The following LPO variants were observed in gnomAD, a reference collection of about 807,000 sequenced individuals.
LPO encodes the protein lactoperoxidase.
LPO carries 70 observed loss-of-function variants against 68.4 expected under a neutral mutation model. The observed-to-expected ratio is 1.02, with a 90% CI of 0.84 to 1.25. The LOEUF (loss-of-function observed/expected upper bound fraction) is 1.25. Ranked by LOEUF, LPO falls within the 50% of genes most tolerant of loss-of-function variation. LPO has a pLI of 0.00. For synonymous variants in LPO, 360 were observed against 357.6 expected (o/e 1.01, Z -0.08); for missense variants, 873 against 908.4 (o/e 0.96, Z 0.50).
At chr17:58,267,255 T>C in intron 11 of LPO, 94 bp from the exon 12 acceptor site, 1 of 937,554 alleles carries the variant, frequency 1.1e-6, no homozygotes, top group Non-Finnish European at 1.7e-6. Context: ...GCCCAGACTT[T>C]CTAGGGCTGA....
Position 58,242,985 on chromosome 17 carries a change from G to C in LPO, c.6G>C (p.Arg2Ser), listed in dbSNP as rs766666920. MRVLLHLPALLA... is the reference protein window; with the variant it reads MSVLLHLPALLA... ...TCCTGCATCTCGTTTCAGTGATGAG[G>C]GTCCTTCTCCATCTCCCAGCCCTCC... Residue 2 changes from arginine to serine, a missense_variant, in exon 2 of 13, where the codon AGG (arginine) becomes AGC (serine). Arg to Ser is a moderately radical substitution (Grantham distance 110). Transcript: ENST00000262290. 23 of 1,613,854 alleles carry C rather than the reference G, an allele frequency of 1.4e-5. No individual in the cohort carries two copies. In the African/African-American group the frequency reaches 2.1e-4, roughly 15 times the overall value.
chr17:58,252,933 G>A (rs960876454), intron 8 of LPO, among the ~76,000 whole-genome samples: 1 of 136,928 alleles, frequency 7.3e-6, no homozygotes, highest in African/African-American at 2.8e-5. Flanking sequence ...TGAGGTAGAA[G>A]AATCACCTGA....
chr17:58,242,464 GCCAGAGGA>G (rs894430141), intron 1 of LPO, among the ~76,000 whole-genome samples: 2 of 152,222 alleles, frequency 1.3e-5, no homozygotes, highest in African/African-American at 2.4e-5. Flanking sequence ...CTGGGGCTGG[GCCAGAGGA>G]AACTGGCTTG....
chr17:58,262,492 C>T (rs929869414), intron 9 of LPO, among the ~76,000 whole-genome samples: 5 of 152,316 alleles, frequency 3.3e-5, no homozygotes, highest in African/African-American at 1.2e-4. Context: ...CGGGCTCAAG[C>T]GATTCTCTTG....
chr17:58,249,530 C>G, intron 5 of LPO, 36 bp from the exon 6 acceptor site: 1 of 1,594,042 alleles, frequency 6.3e-7, no homozygotes, highest in Non-Finnish European at 8.5e-7. Context: ...CCGGAGCCGG[C>G]CTGCCGAAGC....
intron 1 of LPO, among the ~76,000 whole-genome samples, chr17:58,242,222 A>C (rs1256540591): frequency 6.6e-6 from 1 of 152,206 alleles, no homozygotes; most frequent in East Asian, 1.9e-4. Context: ...AAGCTTCACA[A>C]ATTTCAGTCT....
At chr17:58,266,350 C>A in intron 11 of LPO, 24 bp downstream of exon 11, 1 of 1,607,582 alleles carries the variant, frequency 6.2e-7, no homozygotes, top group Non-Finnish European at 8.5e-7. Context: ...GTCTGGCCTG[C>A]ACTGGGGAAA....
chr17:58,265,299 C>T (rs1416177937), intron 10 of LPO, among the ~76,000 whole-genome samples: 1 of 152,096 alleles, frequency 6.6e-6, no homozygotes, highest in African/African-American at 2.4e-5. Context: ...CCTCCTTTCC[C>T]CGCCCTAGGC....
intron 9 of LPO, among the ~76,000 whole-genome samples, chr17:58,261,997 T>C (rs1412201224): frequency 6.6e-6 from 1 of 152,246 alleles, no homozygotes; most frequent in Non-Finnish European, 1.5e-5. Context: ...TTCTTCTATA[T>C]ATGTTTTATA....
chr17:58,246,111 G>A (rs1275188053), intron 3 of LPO, among the ~76,000 whole-genome samples: 1 of 152,246 alleles, frequency 6.6e-6, no homozygotes, highest in East Asian at 1.9e-4. Context: ...AGGGAAGCCT[G>A]TTGGAGAATA....
At chr17:58,264,261 A>G (rs946677426) in intron 9 of LPO, among the ~76,000 whole-genome samples, 2 of 152,344 alleles carry the variant, frequency 1.3e-5, no homozygotes, top group Middle Eastern at 3.4e-3. Context: ...TATGTAAAAG[A>G]AAACCAGAAA....
rs1470797459 is a variant in LPO at position 58,268,400 on chromosome 17, A to G, written c.*406A>G. On this transcript the variant is annotated 3_prime_UTR_variant, in exon 13 of 13. Coordinates refer to ENST00000262290, the MANE Select transcript of LPO (RefSeq NM_006151.3). Reference sequence around the variant, plus strand: ...TGTGGCACCTAGCATGGTGCACAGCACATTAGAAGTGCTCAAAAACATCTG... The same window carrying G: ...TGTGGCACCTAGCATGGTGCACAGCGCATTAGAAGTGCTCAAAAACATCTG... 5.0e-6 allele frequency: 1 copy of G among 200,572 alleles called. No individual in the cohort carries two copies. The highest frequency in any genetic ancestry group is 1.0e-5 in the Non-Finnish European group (1 of 98,010). 12.4% of individuals were successfully genotyped at this position (200,572 alleles called of 1,614,324 possible).
chr17:58,247,551 C>G lies in LPO; in HGVS notation c.238C>G (p.Arg80Gly). Residue 80 changes from arginine (R) to glycine (G), a missense_variant, in exon 4 of 13, where the codon CGG becomes GGG. Arg to Gly is a moderately radical substitution (Grantham distance 125). Coordinates refer to ENST00000262290, the MANE Select transcript of LPO (RefSeq NM_006151.3). ...LSEYLKHAKGRTRTAIRNGQV... is the reference protein window; with the variant it reads ...LSEYLKHAKGGTRTAIRNGQV... ...AGAATACCTCAAGCATGCCAAAGGC[C>G]GGACGCGCACAGCCATCCGCAATGG... 6.2e-7 allele frequency: 1 copy of G among 1,614,146 alleles called. No individual in the cohort carries two copies. Among genetic ancestry groups the G allele is most frequent in the South Asian group, 1.1e-5 (1 of 91,074 alleles).
intron 9 of LPO, among the ~76,000 whole-genome samples, chr17:58,256,729 G>C (rs555607771): frequency 1.3e-5 from 2 of 151,398 alleles, no homozygotes; most frequent in African/African-American, 4.9e-5. Flanking sequence ...CAGGAGAATC[G>C]CTTGAACCCA....
chr17:58,266,367 C>G, intron 11 of LPO, 41 bp downstream of exon 11: 2 of 1,597,440 alleles, frequency 1.3e-6, no homozygotes, highest in Non-Finnish European at 1.7e-6. Flanking sequence ...GAAATTTTAG[C>G]TAACTTTCTA....
rs8178413 is a variant in LPO at position 58,267,996 on chromosome 17, G to A, written c.*2G>A. Reference sequence around the variant, plus strand: ...CCCTGGGCCTCAGTGAAGAATTAGGGGCCCGCGCTGCACAGGAAAGTTCCC... The same window carrying A: ...CCCTGGGCCTCAGTGAAGAATTAGGAGCCCGCGCTGCACAGGAAAGTTCCC... On this transcript the variant is annotated 3_prime_UTR_variant, in exon 13 of 13. Coordinates refer to ENST00000262290, the MANE Select transcript of LPO (RefSeq NM_006151.3). The A allele has an allele frequency of 6.5e-4, 1,051 of 1,612,816 alleles. 1 individual carries two copies. The highest frequency in any genetic ancestry group is 7.9e-4 in the Non-Finnish European group (931 of 1,179,970).
chr17:58,241,412 T>C (rs1305082834), intron 1 of LPO, among the ~76,000 whole-genome samples: 1 of 152,126 alleles, frequency 6.6e-6, no homozygotes, highest in Non-Finnish European at 1.5e-5. Context: ...CACCTGGCCA[T>C]GTTTTTTACC....
intron 7 of LPO, 152 bp downstream of exon 7, chr17:58,250,773 G>A (rs993209962): frequency 1.2e-5 from 9 of 739,932 alleles, no homozygotes; most frequent in South Asian, 3.5e-5. Flanking sequence ...TCACTCATCC[G>A]TTTATTCAGT....
chr17:58,249,557 T>A lies in LPO; in HGVS notation c.444-9T>A. The A allele has an allele frequency of 6.2e-7, 1 of 1,603,400 alleles. No individual in the cohort carries two copies. The highest frequency in any genetic ancestry group is 1.3e-5 in the African/African-American group (1 of 74,842). On this transcript the variant is annotated splice_polypyrimidine_tract_variant and intron_variant, in intron 5 of 12. Transcript: ENST00000262290. ...TGCCGAAGCTCAGCGAGGATCGTGC[T>A]GGTTTCAGGAGGAAGCCTGCGCTGG... is the stretch of plus-strand genomic sequence containing the variant.
Sources: allele counts gnomAD v4.1 joint callset (sites outside exome capture counted in the v4.1 genomes callset), GRCh38; gene constraint gnomAD v4.1.1; transcripts MANE v1.5; gene names NCBI Gene and HGNC (gene_info 2026-07-23, HGNC 2026-07-21).